TMBIM6: variants seen among roughly 807,000 people sequenced by gnomAD.
The protein encoded by TMBIM6 is bax inhibitor 1.
A neutral mutation model predicts 31.4 loss-of-function variants in TMBIM6; 13 were observed. The observed-to-expected ratio is 0.41, with a 90% CI of 0.27 to 0.66. The LOEUF (loss-of-function observed/expected upper bound fraction) is 0.66. Ranked by LOEUF, TMBIM6 falls within the 30% of genes least tolerant of loss-of-function variation. The probability of loss-of-function intolerance (pLI) is 0.28; values close to 1 mark genes in which losing one functional copy is unlikely to be tolerated. For synonymous variants in TMBIM6, 85 were observed against 101.7 expected, an observed-to-expected ratio of 0.84 and a Z score of 0.99; for missense variants, 275 against 289.5, an observed-to-expected ratio of 0.95 and a Z score of 0.36.
rs752054252 is a variant in TMBIM6 at position 49,762,880 on chromosome 12, A to G, written c.698A>G (p.Lys233Arg). The G allele has an allele frequency of 2.5e-6, 4 of 1,612,922 alleles. No homozygotes were observed. The highest frequency in any genetic ancestry group is 3.3e-5 in the Admixed American group (2 of 59,980). The change falls in exon 10 of 10, where the codon AAG becomes AGG. Residue 233 changes from lysine (K) to arginine (R), a missense_variant. By Grantham distance (26) the Lys-to-Arg change is conservative (BLOSUM62 2). Transcript: ENST00000267115. ...ATTTTTCTCCATTTCTAGGATAAGA[A>G]GAAAGAGAAGAAATGAAGTGACCAT... The part of the protein sequence containing the change: ...MILAMNEKDK[K>R]KEKK
At chr12:49,754,228 C>G (rs1436470187) in intron 3 of TMBIM6, among the ~76,000 whole-genome samples, 1 of 152,070 alleles carries the variant, frequency 6.6e-6, no homozygotes, top group Non-Finnish European at 1.5e-5. Context: ...CTCAATTGAT[C>G]CTCGCACCTC....
intron 3 of TMBIM6, 122 bp from the exon 4 acceptor site, chr12:49,755,513 C>A: frequency 7.9e-7 from 1 of 1,265,370 alleles, no homozygotes; most frequent in Non-Finnish European, 1.1e-6. Flanking sequence ...TTTTCTCCTG[C>A]CTCCAGGTTA....
rs774962212 is a variant in TMBIM6 at position 49,755,766 on chromosome 12, G to C, written c.286+11G>C. 5.0e-6 allele frequency: 8 copies of C among 1,611,498 alleles called. No homozygotes were observed. Among genetic ancestry groups the C allele is most frequent in the Non-Finnish European group, 5.9e-6 (7 of 1,179,078 alleles). Reference sequence around the variant, plus strand: ...TTGCATTCCTTACAGGTACGTTAAGGGATTTGTCTAATTTTGAGGGGTGAG... The same window carrying C: ...TTGCATTCCTTACAGGTACGTTAAGCGATTTGTCTAATTTTGAGGGGTGAG... On this transcript the variant is annotated intron_variant, in intron 4 of 9. Transcript: ENST00000267115.
At chr12:49,742,146 T>C (rs1407440913) in intron 1 of TMBIM6, 1 of 1,611,828 alleles carries the variant, frequency 6.2e-7, no homozygotes, top group East Asian at 2.2e-5. Flanking sequence ...GATGTCACAC[T>C]CCTCTGTGAC....
chr12:49,745,462 T>A (rs943385975), intron 1 of TMBIM6, among the ~76,000 whole-genome samples: 3 of 152,022 alleles, frequency 2.0e-5, no homozygotes, highest in African/African-American at 7.2e-5. Context: ...TGGTGGCTCA[T>A]GCCTGTAATC....
chr12:49,760,036 G>A lies in TMBIM6; in HGVS notation c.614+715G>A, dbSNP rs1006340195. Among the ~76,000 whole-genome samples the A allele has an allele frequency of 4.7e-5, 7 of 149,738 alleles. No homozygotes were observed. In the South Asian group the frequency reaches 6.4e-4, roughly 14 times the overall value. ...CGGAGGCAGGAGAATGGTGTGAACCGGGGAGGCGGAGCTTGCAGTGAGCGG... is the reference window on the plus strand; with the variant it reads ...CGGAGGCAGGAGAATGGTGTGAACCAGGGAGGCGGAGCTTGCAGTGAGCGG... On this transcript the variant is annotated intron_variant, in intron 8 of 9. Coordinates refer to ENST00000267115, the MANE Select transcript of TMBIM6 (RefSeq NM_003217.3).
At chr12:49,757,455 C>G (rs1945626049) in intron 4 of TMBIM6, among the ~76,000 whole-genome samples, 1 of 152,170 alleles carries the variant, frequency 6.6e-6, no homozygotes, top group African/African-American at 2.4e-5. Context: ...ACATTGAGAT[C>G]TATTGTGCAG....
chr12:49,745,907 T>C (rs182133992), intron 1 of TMBIM6, among the ~76,000 whole-genome samples: 90 of 152,290 alleles, frequency 5.9e-4, no homozygotes, highest in African/African-American at 2.0e-3. Context: ...TAGGCTAGGC[T>C]TAAGCTATAA....
At chr12:49,749,107 T>A (rs973743392) in intron 1 of TMBIM6, among the ~76,000 whole-genome samples, 1 of 152,250 alleles carries the variant, frequency 6.6e-6, no homozygotes. Flanking sequence ...AGGTATCTTT[T>A]CTGAGCTTCG....
At chr12:49,757,337 T>C (rs1414552615) in intron 4 of TMBIM6, among the ~76,000 whole-genome samples, 1 of 152,214 alleles carries the variant, frequency 6.6e-6, no homozygotes, top group Non-Finnish European at 1.5e-5. Flanking sequence ...ATAGTAGGCA[T>C]AGAACTTTTA....
chr12:49,742,049 G>A, intron 1 of TMBIM6: 4 of 1,533,274 alleles, frequency 2.6e-6, no homozygotes, highest in East Asian at 2.4e-5. Context: ...TCCGATTGCT[G>A]TTCGGCTGCG....
chr12:49,758,479 A>T lies in TMBIM6; in HGVS notation c.432A>T (p.Gly144=). 1 of 1,614,060 alleles carries T rather than the reference A, an allele frequency of 6.2e-7. No individual in the cohort carries two copies. Among genetic ancestry groups the T allele is most frequent in the Non-Finnish European group, 8.5e-7 (1 of 1,179,964 alleles). The change falls in exon 6 of 10, where the codon GGA becomes GGT. Residue 144 remains glycine (G), a splice_region_variant and synonymous_variant. Transcript: ENST00000267115. Reference sequence around the variant, plus strand: ...GGCGCCGTAGCTACCTCTTTCTGGGAGGTAAGTGTGAACTGGGAAACAGGG... The same window carrying T: ...GGCGCCGTAGCTACCTCTTTCTGGGTGGTAAGTGTGAACTGGGAAACAGGG... ...YARRRSYLFL[G]GILMSALSLL...
chr12:49,745,929 T>G (rs1945384545), intron 1 of TMBIM6, among the ~76,000 whole-genome samples: 1 of 152,126 alleles, frequency 6.6e-6, no homozygotes, highest in African/African-American at 2.4e-5. Context: ...GTTTGGTAGG[T>G]TATATGTAGT....
At chr12:49,760,267 T>TA (rs1281793652) in intron 8 of TMBIM6, among the ~76,000 whole-genome samples, 1 of 152,162 alleles carries the variant, frequency 6.6e-6, no homozygotes, top group East Asian at 1.9e-4. Flanking sequence ...ACTCTTTTTT[T>TA]AGAGACAGGG....
intron 3 of TMBIM6, among the ~76,000 whole-genome samples, chr12:49,753,479 A>T (rs1286039111): frequency 1.3e-5 from 2 of 152,180 alleles, no homozygotes; most frequent in Non-Finnish European, 2.9e-5. Context: ...TAAGGAATTG[A>T]CCTGTTTTAT....
rs1244537317 is a variant in TMBIM6 at position 49,752,508 on chromosome 12, T to C, written c.15T>C (p.Asp5=). MNIF[D]RKINFDALLK... ...ACTCTGGAACCATGAACATATTTGA[T>C]CGAAAGATCAACTTTGATGCGCTTT... Residue 5 remains aspartate, a synonymous_variant, in exon 2 of 10, where the codon GAT becomes GAC. Coordinates refer to ENST00000267115, the MANE Select transcript of TMBIM6 (RefSeq NM_003217.3). The C allele has an allele frequency of 9.3e-6, 15 of 1,613,770 alleles. No individual in the cohort carries two copies. Among genetic ancestry groups the C allele is most frequent in the Admixed American group, 1.7e-5 (1 of 59,948 alleles).
At position 49,759,266 on chromosome 12, in the gene TMBIM6, T is replaced by C; in HGVS notation, c.559T>C (p.Phe187Leu). The C allele has an allele frequency of 6.2e-7, 1 of 1,614,218 alleles. No homozygotes were observed. The highest frequency in any genetic ancestry group is 2.2e-5 in the East Asian group (1 of 44,892). The change falls in exon 8 of 10, where the codon TTT becomes CTT. Residue 187 changes from phenylalanine to leucine, a missense_variant. Phe to Leu is a conservative substitution (Grantham distance 22). Coordinates refer to ENST00000267115, the MANE Select transcript of TMBIM6 (RefSeq NM_003217.3). ...GGTGGTCATGTGTGGCTTCGTCCTTTTTGATACTCAACTCATTATTGAAAA... is the reference window on the plus strand; with the variant it reads ...GGTGGTCATGTGTGGCTTCGTCCTTCTTGATACTCAACTCATTATTGAAAA... ...GLVVMCGFVL[F>L]DTQLIIEKAE...
intron 1 of TMBIM6, among the ~76,000 whole-genome samples, chr12:49,743,921 C>T (rs866696534): frequency 6.6e-6 from 1 of 152,180 alleles, no homozygotes; most frequent in African/African-American, 2.4e-5. Flanking sequence ...CACAGATTTT[C>T]TTATTGGCAT....
chr12:49,749,093 A>G (rs1945447503), intron 1 of TMBIM6, among the ~76,000 whole-genome samples: 1 of 152,206 alleles, frequency 6.6e-6, no homozygotes, highest in Non-Finnish European at 1.5e-5. Flanking sequence ...GGCCATTGAA[A>G]TGTAGGTATC....
Sources: allele counts gnomAD v4.1 joint callset (sites outside exome capture counted in the v4.1 genomes callset), GRCh38; gene constraint gnomAD v4.1.1; transcripts MANE v1.5; gene names NCBI Gene and HGNC (gene_info 2026-07-23, HGNC 2026-07-21).